Variants in SUPT3H observed in about 807,000 individuals in gnomAD.
The protein encoded by SUPT3H is transcription initiation protein SPT3 homolog.
A neutral mutation model predicts 44.3 loss-of-function variants in SUPT3H; 44 were observed. That is an observed-to-expected ratio of 0.99 (90% CI 0.78 to 1.28). SUPT3H has a LOEUF of 1.28. SUPT3H is among the 50% of genes most tolerant of loss of function. The pLI is 0.00. For synonymous variants in SUPT3H, 124 were observed against 125.6 expected, an observed-to-expected ratio of 0.99 and a Z score of 0.09; for missense variants, 380 against 387.1, an observed-to-expected ratio of 0.98 and a Z score of 0.15.
chr6:45,239,786 C>A (rs1240493686), intron 2 of SUPT3H, among the ~76,000 whole-genome samples: 1 of 152,210 alleles, frequency 6.6e-6, no homozygotes, highest in Non-Finnish European at 1.5e-5. Flanking sequence ...ACATTACTGG[C>A]ATCCCATATA....
intron 3 of SUPT3H, among the ~76,000 whole-genome samples, chr6:45,078,628 T>G (rs1390981897): frequency 6.6e-6 from 1 of 152,236 alleles, no homozygotes; most frequent in African/African-American, 2.4e-5. Context: ...CTTTTGCTCC[T>G]CTGGGAAGGT....
At chr6:45,133,350 C>A (rs1803777670) in intron 2 of SUPT3H, among the ~76,000 whole-genome samples, 1 of 152,138 alleles carries the variant, frequency 6.6e-6, no homozygotes, top group African/African-American at 2.4e-5. Context: ...CAGAACTGTT[C>A]TTTCAAATAC....
At chr6:45,040,599 A>C (rs568547118) in intron 3 of SUPT3H, among the ~76,000 whole-genome samples, 39 of 152,204 alleles carry the variant, frequency 2.6e-4, no homozygotes, top group Non-Finnish European at 5.0e-4. Flanking sequence ...AAACAAAAAC[A>C]AACAAAAAAG....
intron 10 of SUPT3H, among the ~76,000 whole-genome samples, chr6:44,887,119 A>C (rs1032972795): frequency 6.6e-6 from 1 of 152,196 alleles, no homozygotes; most frequent in Non-Finnish European, 1.5e-5. Context: ...TTCATAAAGC[A>C]AGTCCTGTGT....
At chr6:45,291,211 C>T (rs1185724446) in intron 2 of SUPT3H, among the ~76,000 whole-genome samples, 3 of 152,116 alleles carry the variant, frequency 2.0e-5, no homozygotes, top group Admixed American at 6.6e-5. Flanking sequence ...CACTACAACT[C>T]GGCTCCCAGG....
chr6:45,373,703 A>C (rs762488770), intron 1 of SUPT3H, among the ~76,000 whole-genome samples: 25 of 152,044 alleles, frequency 1.6e-4, no homozygotes, highest in Non-Finnish European at 2.9e-4. Flanking sequence ...GGCATGCACC[A>C]CCATGCCCGG....
chr6:45,296,032 T>C (rs74851310), intron 2 of SUPT3H, among the ~76,000 whole-genome samples: 22,836 of 152,054 alleles, frequency 0.15, 1,959 homozygotes, highest in East Asian at 0.26. Context: ...CACACGTTTA[T>C]AGCAGCACAA....
chr6:44,953,024 C>T lies in SUPT3H; in HGVS notation c.801+286G>A, dbSNP rs544337830. Among the ~76,000 whole-genome samples the T allele has an allele frequency of 3.3e-5, 5 of 152,210 alleles. No individual in the cohort carries two copies. In the South Asian group the frequency reaches 1.0e-3, roughly 32 times the overall value. On this transcript the variant is annotated intron_variant, in intron 9 of 10. Coordinates refer to ENST00000371459, the MANE Select transcript of SUPT3H (RefSeq NM_003599.4). ...CATTACCTAAACCAGTTTTTCATCT[C>T]CCATAAAAATAAGAAATGCCTTGCA...
chr6:44,996,718 C>T (rs184626325), intron 6 of SUPT3H, among the ~76,000 whole-genome samples: 1 of 151,978 alleles, frequency 6.6e-6, no homozygotes, highest in Admixed American at 6.6e-5. Context: ...CAGCATTTCT[C>T]AAAAGCTTTG....
At chr6:44,931,170 C>T (rs1770532759) in intron 10 of SUPT3H, among the ~76,000 whole-genome samples, 1 of 152,090 alleles carries the variant, frequency 6.6e-6, no homozygotes, top group African/African-American at 2.4e-5. Context: ...ATACATTTTC[C>T]TTTATGTAAT....
At chr6:44,892,702 T>G (rs149544775) in intron 10 of SUPT3H, among the ~76,000 whole-genome samples, 17 of 152,262 alleles carry the variant, frequency 1.1e-4, no homozygotes, top group Non-Finnish European at 2.2e-4. Flanking sequence ...ATTTTACAGA[T>G]AGGGAAACAG....
chr6:45,003,047 T>C (rs1350487180), intron 6 of SUPT3H, among the ~76,000 whole-genome samples: 1 of 152,146 alleles, frequency 6.6e-6, no homozygotes, highest in Non-Finnish European at 1.5e-5. Flanking sequence ...AAATTTTTCC[T>C]TTAGTGTTTA....
At chr6:44,877,728 CATT>C (rs1777542672) in intron 10 of SUPT3H, among the ~76,000 whole-genome samples, 3 of 152,064 alleles carry the variant, frequency 2.0e-5, no homozygotes, top group East Asian at 1.9e-4. Flanking sequence ...CTGCATCAAA[CATT>C]ATGTTCAATT....
intron 6 of SUPT3H, among the ~76,000 whole-genome samples, chr6:44,976,885 G>A (rs1386874397): frequency 3.9e-5 from 6 of 152,146 alleles, no homozygotes; most frequent in African/African-American, 1.4e-4. Context: ...GAATGCAGAA[G>A]AGCAAAATCC....
intron 2 of SUPT3H, among the ~76,000 whole-genome samples, chr6:45,352,434 G>A (rs1393435369): frequency 6.6e-6 from 1 of 152,060 alleles, no homozygotes; most frequent in African/African-American, 2.4e-5. Flanking sequence ...GTTGTAGACT[G>A]GAAGCAACAT....
At chr6:45,017,400 T>C (rs1465897467) in intron 4 of SUPT3H, among the ~76,000 whole-genome samples, 1 of 151,302 alleles carries the variant, frequency 6.6e-6, no homozygotes, top group African/African-American at 2.4e-5. Context: ...TTTTGGTGTT[T>C]TAGACATGAA....
At chr6:45,031,644 C>G (rs937829870) in intron 3 of SUPT3H, among the ~76,000 whole-genome samples, 1 of 152,138 alleles carries the variant, frequency 6.6e-6, no homozygotes, top group African/African-American at 2.4e-5. Flanking sequence ...CAAATAAGCT[C>G]CAAAGATCCT....
intron 2 of SUPT3H, among the ~76,000 whole-genome samples, chr6:45,345,419 T>C (rs887597017): frequency 1.3e-5 from 2 of 152,186 alleles, no homozygotes; most frequent in East Asian, 1.9e-4. Flanking sequence ...CATCTCAATT[T>C]CCATTTTTTA....
At chr6:45,011,306 G>T (rs1337525329) in intron 5 of SUPT3H, among the ~76,000 whole-genome samples, 1 of 152,016 alleles carries the variant, frequency 6.6e-6, no homozygotes, top group Non-Finnish European at 1.5e-5. Flanking sequence ...ATCTGTGACT[G>T]AGCTTTTCTT....
Sources: gnomAD v4.1 joint callset for allele counts (sites outside exome capture counted in the v4.1 genomes callset) on GRCh38, gnomAD v4.1.1 for gene constraint, MANE v1.5 for transcripts, NCBI Gene and HGNC (gene_info 2026-07-23, HGNC 2026-07-21) for gene names.